ORM1: variants seen among roughly 807,000 people sequenced by gnomAD.
ORM1 encodes alpha-1-acid glycoprotein 1.
Under a neutral mutation model 26.9 loss-of-function variants are expected in ORM1, and 13 were observed. That is an observed-to-expected ratio of 0.48 (90% CI 0.31 to 0.77). ORM1 has a LOEUF of 0.77. ORM1 is among the 30% of genes least tolerant of loss of function. The pLI, the probability that ORM1 is intolerant of heterozygous loss-of-function variation, is 0.04. For synonymous variants in ORM1, 76 were observed against 102.2 expected, an observed-to-expected ratio of 0.74 and a Z score of 1.55; for missense variants, 189 against 246.8, an observed-to-expected ratio of 0.77 and a Z score of 1.57.
rs369031896 is a variant in ORM1 at position 114,324,061 on chromosome 9, C to A, written c.301C>A (p.Arg101=). Reference sequence around the variant, plus strand: ...TAACACCACCTACCTGAATGTCCAGCGGGAAAATGGGACCATCTCCAGATA... The same window carrying A: ...TAACACCACCTACCTGAATGTCCAGAGGGAAAATGGGACCATCTCCAGATA... The part of the protein sequence containing the change: ...IYNTTYLNVQ[R]ENGTISRYVG... Residue 101 remains arginine, a synonymous_variant, in exon 3 of 6, where the codon CGG becomes AGG. Transcript: ENST00000259396. 5.6e-6 allele frequency: 9 copies of A among 1,613,880 alleles called. No individual in the cohort carries two copies. Among genetic ancestry groups the A allele is most frequent in the Middle Eastern group, 1.6e-4 (1 of 6,082 alleles).
At chr9:114,325,377 A>G (rs1829753856) in intron 5 of ORM1, 2 of 440,700 alleles carry the variant, frequency 4.5e-6, no homozygotes, top group East Asian at 7.9e-5. Context: ...GAGGACCTGA[A>G]AGCTAACAGG....
At chr9:114,324,935 C>G (rs1284645164) in intron 4 of ORM1, 38 bp downstream of exon 4, 1 of 1,597,418 alleles carries the variant, frequency 6.3e-7, no homozygotes, top group South Asian at 1.1e-5. Context: ...ATGCCCCTCT[C>G]AGGCCTCACC....
chr9:114,323,924 A>C, intron 2 of ORM1, 94 bp from the exon 3 acceptor site: 6 of 1,601,442 alleles, frequency 3.7e-6, no homozygotes, highest in Non-Finnish European at 5.1e-6. Flanking sequence ...GCTGGCTTTA[A>C]TCTCCACCAG....
chr9:114,323,652 C>A lies in ORM1; in HGVS notation c.115-11C>A. On this transcript the variant is annotated splice_polypyrimidine_tract_variant and intron_variant, in intron 1 of 5. Coordinates refer to ENST00000259396, the MANE Select transcript of ORM1 (RefSeq NM_000607.4). Reference sequence around the variant, plus strand: ...TCAAGCCCCCATCACCAGCTCCCACCTTCTCCCCAGATCACTGGCAAGTGG... The same window carrying A: ...TCAAGCCCCCATCACCAGCTCCCACATTCTCCCCAGATCACTGGCAAGTGG... The A allele has an allele frequency of 6.2e-7, 1 of 1,614,036 alleles. No homozygotes were observed. The highest frequency in any genetic ancestry group is 2.2e-5 in the East Asian group (1 of 44,888).
In ORM1 at chr9:114,324,011, G is replaced by C. The variant is rs1417493566; in HGVS notation, c.258-7G>C. On this transcript the variant is annotated splice_polypyrimidine_tract_variant and splice_region_variant and intron_variant, in intron 2 of 5. Transcript: ENST00000259396. ...CTGTTTTCCTTCCGCCTTCTGTTTGGCTTTAGACAGGACCAGTGCATCTAT... is the reference window on the plus strand; with the variant it reads ...CTGTTTTCCTTCCGCCTTCTGTTTGCCTTTAGACAGGACCAGTGCATCTAT... The C allele has an allele frequency of 5.0e-6, 8 of 1,613,866 alleles. No individual in the cohort carries two copies. The highest frequency in any genetic ancestry group is 1.7e-5 in the Admixed American group (1 of 59,996).
At position 114,323,727 on chromosome 9, in the gene ORM1, A is replaced by C. The variant is rs1291663526; in HGVS notation, c.179A>C (p.Gln60Pro). ...FRNEEYNKSV[Q>P]EIQATFFYFT... ...AACGAGGAGTACAATAAGTCGGTTC[A>C]GGAGATCCAAGCAACCTTCTTTTAC... The change falls in exon 2 of 6, where the codon CAG (glutamine) becomes CCG (proline). Residue 60 changes from glutamine to proline, a missense_variant. Gln to Pro is a moderately conservative substitution (Grantham distance 76, BLOSUM62 -1). Around this residue, in one of 3 missense-constraint regions of ORM1, gnomAD observed 163 missense variants for 157.7 expected, o/e 1.03. Transcript: ENST00000259396. The C allele has an allele frequency of 6.2e-7, 1 of 1,614,024 alleles. No homozygotes were observed. Among genetic ancestry groups the C allele is most frequent in the East Asian group, 2.2e-5 (1 of 44,878 alleles).
chr9:114,326,180 G>C lies in ORM1; in HGVS notation c.541-112G>C, dbSNP rs946334294. 531 of 1,519,984 alleles carry C rather than the reference G, an allele frequency of 3.5e-4. 4 individuals carry two copies. The highest frequency in any genetic ancestry group is 4.6e-4 in the Non-Finnish European group (521 of 1,125,544). The allele number at this position is 1,519,984 out of a possible 1,614,324, so 94.2% of individuals were successfully genotyped here. A position where few individuals can be genotyped will look rare whatever the true frequency, so the allele number is the denominator to read the frequency against. On this transcript the variant is annotated intron_variant, in intron 5 of 5. Coordinates refer to ENST00000259396, the MANE Select transcript of ORM1 (RefSeq NM_000607.4). ...GTGACAGTGCCAGGGTTGGAGCCCT[G>C]GTTGAGCTGGTTCCACAGGCCAGAG... is the stretch of plus-strand genomic sequence containing the variant.
intron 3 of ORM1, among the ~76,000 whole-genome samples, chr9:114,324,391 T>C (rs1370924919): frequency 6.6e-6 from 1 of 152,028 alleles, no homozygotes; most frequent in Non-Finnish European, 1.5e-5. Flanking sequence ...TTAAGATCCT[T>C]TGCAAACCAA....
intron 2 of ORM1, 74 bp from the exon 3 acceptor site, chr9:114,323,944 C>A: frequency 6.2e-7 from 1 of 1,601,300 alleles, no homozygotes; most frequent in Non-Finnish European, 8.6e-7. Flanking sequence ...GACTCTTGCC[C>A]CAGGACTGTG....
At position 114,324,023 on chromosome 9, in the gene ORM1, A is replaced by T; in HGVS notation, c.263A>T (p.Asp88Val). ...CGCCTTCTGTTTGGCTTTAGACAGG[A>T]CCAGTGCATCTATAACACCACCTAC... ...IFLREYQTRQ[D>V]QCIYNTTYLN... The change falls in exon 3 of 6, where the codon GAC becomes GTC. Residue 88 changes from aspartate to valine, a missense_variant. Transcript: ENST00000259396. 2 of 1,613,958 alleles carry T rather than the reference A, an allele frequency of 1.2e-6. No individual in the cohort carries two copies. The highest frequency in any genetic ancestry group is 1.7e-6 in the Non-Finnish European group (2 of 1,179,980).
Position 114,324,042 on chromosome 9 carries a change from C to T in ORM1, c.282C>T (p.Thr94=). 2.5e-6 allele frequency: 4 copies of T among 1,614,062 alleles called. No homozygotes were observed. Among genetic ancestry groups the T allele is most frequent in the Non-Finnish European group, 3.4e-6 (4 of 1,180,026 alleles). The change falls in exon 3 of 6, where the codon ACC becomes ACT. Residue 94 remains threonine (T), a synonymous_variant. Transcript: ENST00000259396. ...GACAGGACCAGTGCATCTATAACAC[C>T]ACCTACCTGAATGTCCAGCGGGAAA... ...QTRQDQCIYN[T]TYLNVQRENG...
In ORM1 at chr9:114,325,815, G is replaced by A. The variant is rs532482857; in HGVS notation, c.541-477G>A. On this transcript the variant is annotated intron_variant, in intron 5 of 5. Transcript: ENST00000259396. ...TTGCCATCTGAGATGACCACCAGTG[G>A]TGTGAACTACCTCCTGCCCCCATCT... Among the ~76,000 whole-genome samples the A allele has an allele frequency of 6.1e-3, 926 of 151,546 alleles. 12 individuals are homozygous for A. Among genetic ancestry groups the A allele is most frequent in the South Asian group, 0.034 (162 of 4,796 alleles).
At chr9:114,323,412 C>A in intron 1 of ORM1, 165 bp downstream of exon 1, 2 of 844,428 alleles carry the variant, frequency 2.4e-6, no homozygotes, top group South Asian at 1.5e-5. Flanking sequence ...ACTCTGGAGG[C>A]ACCCCCTGCC....
intron 4 of ORM1, 25 bp from the exon 5 acceptor site, chr9:114,325,024 G>A (rs771761671): frequency 6.2e-7 from 1 of 1,611,178 alleles, no homozygotes. Flanking sequence ...CATGTCCCCA[G>A]TCAGTCTCCT....
rs746832740 is a variant in ORM1 at position 114,324,824 on chromosome 9, C to A, written c.363C>A (p.Ile121=). The change falls in exon 4 of 6, where the codon ATC becomes ATA. Residue 121 remains isoleucine, a synonymous_variant. Coordinates refer to ENST00000259396, the MANE Select transcript of ORM1 (RefSeq NM_000607.4). ...AAGAGCATTTCGCTCACTTGCTGAT[C>A]CTCAGGGACACCAAGACCTACATGC... ...GGQEHFAHLL[I]LRDTKTYMLA... is the part of the protein sequence containing the mutation. The A allele has an allele frequency of 1.9e-6, 3 of 1,614,116 alleles. No homozygotes were observed. Among genetic ancestry groups the A allele is most frequent in the Non-Finnish European group, 2.5e-6 (3 of 1,179,982 alleles).
chr9:114,325,168 T>G lies in ORM1; in HGVS notation c.540+16T>G. On this transcript the variant is annotated intron_variant, in intron 5 of 5. Coordinates refer to ENST00000259396, the MANE Select transcript of ORM1 (RefSeq NM_000607.4). ...TTGGAAAAAGGTAAACGCAAGGGAT[T>G]GGACAGTGCCCACCTTGTCCATGGC... 1 of 1,611,806 alleles carries G rather than the reference T, an allele frequency of 6.2e-7. No individual in the cohort carries two copies. The highest frequency in any genetic ancestry group is 8.5e-7 in the Non-Finnish European group (1 of 1,177,992).
At chr9:114,326,141 C>T in intron 5 of ORM1, 151 bp from the exon 6 acceptor site, 1 of 661,894 alleles carries the variant, frequency 1.5e-6, no homozygotes, top group Non-Finnish European at 2.6e-6. Context: ...TGCCCAAGAT[C>T]ACCCAGCTGG....
intron 3 of ORM1, 51 bp from the exon 4 acceptor site, chr9:114,324,739 C>A: frequency 7.0e-7 from 1 of 1,436,140 alleles, no homozygotes. Flanking sequence ...GTAAGACAGA[C>A]ACCATTGTGC....
At chr9:114,324,299 C>T (rs1829734328) in intron 3 of ORM1, among the ~76,000 whole-genome samples, 1 of 152,180 alleles carries the variant, frequency 6.6e-6, no homozygotes, top group South Asian at 2.1e-4. Context: ...CAAATAGTTT[C>T]CCCAAGGTCA....
Sources: allele counts gnomAD v4.1 joint callset (sites outside exome capture counted in the v4.1 genomes callset), GRCh38; gene constraint gnomAD v4.1.1; regional missense constraint gnomAD v4.1.1; transcripts MANE v1.5; gene names NCBI Gene and HGNC (gene_info 2026-07-23, HGNC 2026-07-21).